The following MAPT variants were observed in gnomAD, a reference collection of about 807,000 sequenced individuals.
The protein encoded by MAPT is microtubule associated protein tau.
MAPT carries 34 observed loss-of-function variants against 67.9 expected under a neutral mutation model. The observed-to-expected ratio is 0.50, with a 90% confidence interval of 0.38 to 0.67. The LOEUF (loss-of-function observed/expected upper bound fraction) is 0.67, where lower values mean the gene tolerates loss of function less well. MAPT is among the 30% of genes least tolerant of loss of function. The pLI, the probability that MAPT is intolerant of heterozygous loss-of-function variation, is 0.00. For synonymous variants in MAPT, 456 were observed against 464.5 expected, an observed-to-expected ratio of 0.98 and a Z score of 0.23; for missense variants, 881 against 1,115.2, an observed-to-expected ratio of 0.79 and a Z score of 2.99.
chr17:45,930,207 C>G (rs556626637), intron 1 of MAPT, among the ~76,000 whole-genome samples: 1 of 152,250 alleles, frequency 6.6e-6, no homozygotes, highest in Non-Finnish European at 1.5e-5. Flanking sequence ...CAAGACCAGC[C>G]TGGCCAACAT....
At chr17:45,898,941 C>CA (rs1002281285) in intron 1 of MAPT, 4 of 152,234 alleles carry the variant, frequency 2.6e-5, no homozygotes, top group Admixed American at 6.5e-5. Flanking sequence ...CAGAGACCCC[C>CA]AAAGCCCCCT....
In MAPT at chr17:45,971,722, T is replaced by A. The variant is rs2071694589; in HGVS notation, c.134-137T>A. The A allele has an allele frequency of 5.6e-6, 4 of 720,566 alleles. No homozygotes were observed. The South Asian group carries it at 5.9e-5, about 11-fold the overall frequency. The allele number at this position is 720,566 out of a possible 1,614,324, so 44.6% of individuals were successfully genotyped here. A position where few individuals can be genotyped will look rare whatever the true frequency, so the allele number is the denominator to read the frequency against. On this transcript the variant is annotated intron_variant, in intron 2 of 12. Transcript: ENST00000262410. This position sits in a 1 kb window ranked among gnomAD's most constrained non-coding sequence, Gnocchi z 4.3. Reference sequence around the variant, plus strand: ...GGGTTGGTCCCCTTTGTGGGTTTGTTGCGAGGCCGTGTTCCAGCTGTTTCC... The same window carrying A: ...GGGTTGGTCCCCTTTGTGGGTTTGTAGCGAGGCCGTGTTCCAGCTGTTTCC...
chr17:46,003,329 A>G (rs2075165714), intron 9 of MAPT, among the ~76,000 whole-genome samples: 1 of 152,008 alleles, frequency 6.6e-6, no homozygotes, highest in African/African-American at 2.4e-5. Flanking sequence ...CCCAGGCTGG[A>G]GTGCAGTGGT....
At chr17:45,934,598 T>TA (rs34197629) in intron 1 of MAPT, among the ~76,000 whole-genome samples, 3,247 of 152,262 alleles carry the variant, frequency 0.021, 134 homozygotes, top group African/African-American at 0.074. Context: ...ACTGGCTAGT[T>TA]AGAGACTGCA....
chr17:46,026,367 G>C lies in MAPT; in HGVS notation c.*2196G>C, dbSNP rs1369615937. ...ATGTCCCCTTCCCTACTTCCCCTTGGGGCTCCCTGTGTCAGGGCACAGACT... is the reference window on the plus strand; with the variant it reads ...ATGTCCCCTTCCCTACTTCCCCTTGCGGCTCCCTGTGTCAGGGCACAGACT... On this transcript the variant is annotated 3_prime_UTR_variant, in exon 13 of 13. Transcript: ENST00000262410. 1 of 152,572 alleles carries C rather than the reference G, an allele frequency of 6.6e-6. No homozygotes were observed. The highest frequency in any genetic ancestry group is 2.4e-5 in the African/African-American group (1 of 41,450). 9.5% of individuals were successfully genotyped at this position (152,572 alleles called of 1,614,324 possible). A position where few individuals can be genotyped will look rare whatever the true frequency, so the allele number is the denominator to read the frequency against.
In MAPT at chr17:45,971,955, C is replaced by A. The variant is rs770217247; in HGVS notation, c.220+10C>A. Reference sequence around the variant, plus strand: ...ACTCCAACAGCGGAAGGTGGGCCCCCCTTCAGACGCCCCCTCCATGCCTCC... The same window carrying A: ...ACTCCAACAGCGGAAGGTGGGCCCCACTTCAGACGCCCCCTCCATGCCTCC... On this transcript the variant is annotated intron_variant, in intron 3 of 12. Coordinates refer to ENST00000262410, the MANE Select transcript of MAPT (RefSeq NM_001377265.1). The surrounding 1 kb of genome is among the most constrained non-coding windows in gnomAD (Gnocchi z 4.3). 1.5e-5 allele frequency: 24 copies of A among 1,608,916 alleles called. No individual in the cohort carries two copies. The highest frequency in any genetic ancestry group is 1.3e-4 in the African/African-American group (10 of 74,844).
At chr17:46,017,143 C>T (rs1178836401) in intron 11 of MAPT, among the ~76,000 whole-genome samples, 2 of 152,216 alleles carry the variant, frequency 1.3e-5, no homozygotes, top group Admixed American at 6.5e-5. Flanking sequence ...ACAAGTGGTG[C>T]CACCACCCCA....
At chr17:46,012,656 GTC>G (rs1173630665) in intron 10 of MAPT, among the ~76,000 whole-genome samples, 1 of 152,028 alleles carries the variant, frequency 6.6e-6, no homozygotes, top group African/African-American at 2.4e-5. Context: ...AGGGCCTGCT[GTC>G]CCCCTCCCTG....
rs778442430 is a variant in MAPT, at chr17:45,995,185, CA to C, written c.1733-1213del. ...AGGTCTGGCCAGCAGGTATGTGTTA[CA>C]GCAAATGCCTGGGGCAGCGGCAGGG... On this transcript the variant is annotated intron_variant, in intron 8 of 12. Transcript: ENST00000262410. This position sits in a 1 kb window ranked among gnomAD's most constrained non-coding sequence, Gnocchi z 4.3. Among the ~76,000 whole-genome samples the C allele has an allele frequency of 2.0e-5, 3 of 152,224 alleles. No homozygotes were observed. The highest frequency in any genetic ancestry group is 4.4e-5 in the Non-Finnish European group (3 of 68,042).
At chr17:45,984,141 C>T (rs377138252) in intron 5 of MAPT, among the ~76,000 whole-genome samples, 4 of 152,222 alleles carry the variant, frequency 2.6e-5, no homozygotes, top group Non-Finnish European at 5.9e-5. Flanking sequence ...CACGCTTGCC[C>T]GCCACTCTGC....
chr17:46,025,049 G>A lies in MAPT; in HGVS notation c.*878G>A, dbSNP rs2076747699. On this transcript the variant is annotated 3_prime_UTR_variant, in exon 13 of 13. Transcript: ENST00000262410. ...GCTGGCCTCTTCCTCCCTCCCTGCA[G>A]GGTAGGGGGCCTGAGTTGAGGGGCT... 6.6e-6 allele frequency: 1 copy of A among 152,290 alleles called. No homozygotes were observed. The highest frequency in any genetic ancestry group is 6.6e-5 in the Admixed American group (1 of 15,228). The allele number at this position is 152,290 out of a possible 1,614,324, so 9.4% of individuals were successfully genotyped here. A position where few individuals can be genotyped will look rare whatever the true frequency, so the allele number is the denominator to read the frequency against.
rs1463419498 is a variant in MAPT, at chr17:45,924,080, T to C, written c.-18+29394T>C. Among the ~76,000 whole-genome samples, 5 of 152,314 alleles carry C rather than the reference T, an allele frequency of 3.3e-5. No homozygotes were observed. The East Asian group carries it at 9.6e-4, about 29-fold the overall frequency. On this transcript the variant is annotated intron_variant, in intron 1 of 12. Coordinates refer to ENST00000262410, the MANE Select transcript of MAPT (RefSeq NM_001377265.1). ...TCACAAGCCCTTCATTTCACAACCT[T>C]ACATTTCACAACCAAGCTCTGTCTC...
At position 46,025,629 on chromosome 17, in the gene MAPT, C is replaced by G. The variant is rs2076775014; in HGVS notation, c.*1458C>G. The G allele has an allele frequency of 6.6e-6, 1 of 152,618 alleles. No homozygotes were observed. The highest frequency in any genetic ancestry group is 1.5e-5 in the Non-Finnish European group (1 of 68,178). 9.5% of individuals were successfully genotyped at this position (152,618 alleles called of 1,614,324 possible). On this transcript the variant is annotated 3_prime_UTR_variant, in exon 13 of 13. Coordinates refer to ENST00000262410, the MANE Select transcript of MAPT (RefSeq NM_001377265.1). ...AGATGTGAGCCAGGGCACTGCTCAG[C>G]TGTGACCCTAGGTGTTTCTGCCTTG...
chr17:45,937,381 A>G (rs1476426699), intron 1 of MAPT, among the ~76,000 whole-genome samples: 2 of 152,258 alleles, frequency 1.3e-5, no homozygotes, highest in Middle Eastern at 3.4e-3. Flanking sequence ...TGAGGTCAGG[A>G]GTTTGAGACC....
chr17:46,017,243 G>A (rs1193632197), intron 11 of MAPT, among the ~76,000 whole-genome samples: 1 of 152,120 alleles, frequency 6.6e-6, no homozygotes, highest in Non-Finnish European at 1.5e-5. Context: ...CCATGCTTGG[G>A]CATGGTGTCA....
In MAPT at chr17:45,897,154, T is replaced by C. The variant is rs1157435456; in HGVS notation, c.-18+2468T>C. ...CAGGGATCGATTCAAGCATCGTCTC[T>C]CCTCCCTCGCCCCCAGACAGAGCTG... On this transcript the variant is annotated intron_variant, in intron 1 of 12. Transcript: ENST00000262410. The surrounding 1 kb of genome is among the most constrained non-coding windows in gnomAD (Gnocchi z 5.0). 2 of 152,084 alleles carry C rather than the reference T, an allele frequency of 1.3e-5. No individual in the cohort carries two copies. The highest frequency in any genetic ancestry group is 2.9e-5 in the Non-Finnish European group (2 of 68,042). The allele number at this position is 152,084 out of a possible 1,614,324, so 9.4% of individuals were successfully genotyped here.
intron 2 of MAPT, among the ~76,000 whole-genome samples, chr17:45,970,960 C>T (rs888813485): frequency 6.6e-6 from 1 of 152,220 alleles, no homozygotes; most frequent in Non-Finnish European, 1.5e-5. Flanking sequence ...GCACTCAGCT[C>T]TGTATACATT....
intron 2 of MAPT, among the ~76,000 whole-genome samples, chr17:45,964,047 A>G (rs2070754332): frequency 6.6e-6 from 1 of 152,076 alleles, no homozygotes; most frequent in Non-Finnish European, 1.5e-5. Context: ...AGCTCGGCCC[A>G]GCCTCCCTGC....
chr17:46,003,217 CCT>C (rs1456228368), intron 9 of MAPT, among the ~76,000 whole-genome samples: 2 of 152,022 alleles, frequency 1.3e-5, no homozygotes, highest in Non-Finnish European at 2.9e-5. Context: ...TCCTTTTACC[CCT>C]CTTTCCTCCC....
Sources: allele counts gnomAD v4.1 joint callset (sites outside exome capture counted in the v4.1 genomes callset), GRCh38; gene constraint gnomAD v4.1.1; non-coding constraint Gnocchi (gnomAD v3.1); transcripts MANE v1.5; gene names NCBI Gene and HGNC (gene_info 2026-07-23, HGNC 2026-07-21).